LMNTD1: variants seen among roughly 807,000 people sequenced by gnomAD.
LMNTD1 encodes the protein lamin tail domain containing 1.
A neutral mutation model predicts 50.9 loss-of-function variants in LMNTD1; 35 were observed. The ratio of observed to expected loss-of-function variants is 0.69; its 90% CI spans 0.53 to 0.91. LMNTD1 has a LOEUF of 0.91. Among genes scored for constraint, LMNTD1 ranks in the 40% least tolerant of loss-of-function variants. The pLI is 0.00. For missense variants in LMNTD1, 470 were observed against 475.5 expected, an observed-to-expected ratio of 0.99 and a Z score of 0.11; for synonymous variants, 153 against 161.9, an observed-to-expected ratio of 0.94 and a Z score of 0.42.
intron 1 of LMNTD1, among the ~76,000 whole-genome samples, chr12:25,569,033 G>A (rs1240850202): frequency 1.3e-5 from 2 of 152,234 alleles, no homozygotes; most frequent in Non-Finnish European, 2.9e-5. Context: ...GAAGGGGGCT[G>A]ATGCCCTCTA....
intron 9 of LMNTD1, among the ~76,000 whole-genome samples, chr12:25,495,249 CGTGT>C (rs1207389869): frequency 7.0e-4 from 102 of 144,768 alleles, no homozygotes; most frequent in African/African-American, 1.0e-3. Flanking sequence ...AAAGTGTGTA[CGTGT>C]GTGTGTGTGT....
chr12:25,513,060 C>G (rs190855180), intron 8 of LMNTD1, among the ~76,000 whole-genome samples: 379 of 152,298 alleles, frequency 2.5e-3, no homozygotes, highest in Admixed American at 6.3e-3. Flanking sequence ...CTGTATTATA[C>G]TGAATAAAAT....
upstream of LMNTD1, among the ~76,000 whole-genome samples, chr12:25,555,124 A>T (rs1302572263): frequency 6.6e-6 from 1 of 152,072 alleles, no homozygotes; most frequent in Non-Finnish European, 1.5e-5. Context: ...TATATGTCAT[A>T]TAAATACAAA....
At chr12:25,615,227 G>T (rs1946328851) in intron 1 of LMNTD1, among the ~76,000 whole-genome samples, 1 of 152,116 alleles carries the variant, frequency 6.6e-6, no homozygotes, top group South Asian at 2.1e-4. Context: ...GTCATTGTGG[G>T]TCACATGCTG....
Position 25,526,830 on chromosome 12 carries a change from T to G in LMNTD1, c.617A>C (p.Gln206Pro), listed in dbSNP as rs772095431. 5.0e-6 allele frequency: 8 copies of G among 1,613,314 alleles called. No individual in the cohort carries two copies. Among genetic ancestry groups the G allele is most frequent in the Non-Finnish European group, 6.8e-6 (8 of 1,179,492 alleles). The change falls in exon 5 of 10, where the codon CAA becomes CCA. Residue 206 changes from glutamine to proline, a missense_variant. Transcript: ENST00000458174. ...DHILQQNVNG[Q>P]TISLYRFLPN... The stretch of plus-strand genomic sequence containing the variant: ...AAGGAATCGGTACAAAGAAATGGTT[T>G]GTCCATTCACATTTTGCTGGAGAAT...
At chr12:25,523,797 C>A (rs1941512053) in intron 6 of LMNTD1, among the ~76,000 whole-genome samples, 1 of 144,482 alleles carries the variant, frequency 6.9e-6, no homozygotes. Context: ...GTAGAATTTC[C>A]AATGGGATGT....
chr12:25,518,139 G>A (rs1591877718), intron 8 of LMNTD1, among the ~76,000 whole-genome samples: 1 of 152,252 alleles, frequency 6.6e-6, no homozygotes, highest in African/African-American at 2.4e-5. Context: ...GTACTAAACA[G>A]GCTTTCTCCA....
chr12:25,572,946 TCA>T (rs1286513362), intron 1 of LMNTD1, among the ~76,000 whole-genome samples: 2 of 152,108 alleles, frequency 1.3e-5, no homozygotes, highest in Non-Finnish European at 2.9e-5. Flanking sequence ...GCTCTCAGGG[TCA>T]CAGTGTCCTC....
chr12:25,645,684 CT>C (rs1275258206), intron 1 of LMNTD1, among the ~76,000 whole-genome samples: 1 of 152,200 alleles, frequency 6.6e-6, no homozygotes, highest in Admixed American at 6.5e-5. Context: ...GAGCTGGGGC[CT>C]GCTTCAAACC....
chr12:25,637,280 C>T (rs1242185401), intron 1 of LMNTD1, among the ~76,000 whole-genome samples: 1 of 151,990 alleles, frequency 6.6e-6, no homozygotes, highest in Non-Finnish European at 1.5e-5. Context: ...TGAGAGGACC[C>T]AGATGTCGGA....
At chr12:25,634,870 T>C (rs1186784663) in intron 1 of LMNTD1, among the ~76,000 whole-genome samples, 1 of 152,116 alleles carries the variant, frequency 6.6e-6, no homozygotes, top group East Asian at 1.9e-4. Flanking sequence ...AGTTAAGCTG[T>C]CACTGTTTGC....
chr12:25,489,173 G>A (rs1938784562), intron 9 of LMNTD1, among the ~76,000 whole-genome samples: 3 of 151,980 alleles, frequency 2.0e-5, no homozygotes, highest in South Asian at 4.2e-4. Context: ...GAGCTTCCCG[G>A]CTGCTTTGTT....
chr12:25,628,246 C>G (rs2136587527), intron 1 of LMNTD1, among the ~76,000 whole-genome samples: 2 of 151,704 alleles, frequency 1.3e-5, no homozygotes, highest in Admixed American at 1.3e-4. Flanking sequence ...ATCTGTGCCT[C>G]CATAATTCAC....
chr12:25,635,972 C>A (rs925425992), intron 1 of LMNTD1, among the ~76,000 whole-genome samples: 4 of 152,164 alleles, frequency 2.6e-5, no homozygotes, highest in African/African-American at 7.2e-5. Context: ...TCACCTTATA[C>A]AAAAATCAAC....
chr12:25,590,380 C>T (rs1034681770), intron 1 of LMNTD1, among the ~76,000 whole-genome samples: 3 of 152,168 alleles, frequency 2.0e-5, no homozygotes, highest in East Asian at 1.9e-4. Flanking sequence ...AGGAATTTCC[C>T]ATCTCAGCAG....
chr12:25,642,048 C>A (rs1301868554), intron 1 of LMNTD1, among the ~76,000 whole-genome samples: 1 of 152,096 alleles, frequency 6.6e-6, no homozygotes, highest in Non-Finnish European at 1.5e-5. Flanking sequence ...ATTAACCCAA[C>A]CATACTCCAT....
chr12:25,641,850 T>A (rs1390598273), intron 1 of LMNTD1, among the ~76,000 whole-genome samples: 1 of 152,126 alleles, frequency 6.6e-6, no homozygotes, highest in Non-Finnish European at 1.5e-5. Flanking sequence ...CATCCTAATT[T>A]TTTTTCACTC....
chr12:25,505,812 C>T (rs1204026944), intron 8 of LMNTD1, among the ~76,000 whole-genome samples: 1 of 152,068 alleles, frequency 6.6e-6, no homozygotes, highest in Admixed American at 6.6e-5. Context: ...ATTTTTTATA[C>T]ATTAACTCAT....
At chr12:25,571,359 ATTTAT>A (rs1555112979) in intron 1 of LMNTD1, among the ~76,000 whole-genome samples, 2 of 151,070 alleles carry the variant, frequency 1.3e-5, no homozygotes, top group African/African-American at 4.9e-5. Context: ...TTATTTATTT[ATTTAT>A]TTATTTATTT....
Sources: gnomAD v4.1 joint callset for allele counts (sites outside exome capture counted in the v4.1 genomes callset) on GRCh38, gnomAD v4.1.1 for gene constraint, MANE v1.5 for transcripts, NCBI Gene and HGNC (gene_info 2026-07-23, HGNC 2026-07-21) for gene names.